ZNF518A: variants seen among roughly 807,000 people sequenced by gnomAD.
ZNF518A encodes zinc finger protein 518.
A neutral mutation model predicts 102.7 loss-of-function variants in ZNF518A; 47 were observed. That is an observed-to-expected ratio of 0.46 (90% CI 0.36 to 0.58). ZNF518A has a LOEUF of 0.58. ZNF518A is among the 20% of genes least tolerant of loss of function. The pLI is 0.00. For missense variants in ZNF518A, 1,793 were observed against 1,699.8 expected (o/e 1.05, Z -0.96); for synonymous variants, 652 against 594.6 (o/e 1.10, Z -1.40).
chr10:96,197,894 T>G (rs1278498132), intron 1 of ZNF518A, among the ~76,000 whole-genome samples: 1 of 138,806 alleles, frequency 7.2e-6, no homozygotes, highest in Non-Finnish European at 1.5e-5. Flanking sequence ...CCAGCCTGGG[T>G]GACAGAGCGA....
At chr10:96,180,252 T>C (rs1252720632) in intron 1 of ZNF518A, among the ~76,000 whole-genome samples, 4 of 147,286 alleles carry the variant, frequency 2.7e-5, no homozygotes, top group African/African-American at 7.6e-5. Flanking sequence ...CTCAAATTCC[T>C]GAATTCAAGT....
chr10:96,201,173 C>A (rs2083623342), intron 1 of ZNF518A: 8 of 943,516 alleles, frequency 8.5e-6, no homozygotes, highest in Non-Finnish European at 1.3e-5. Flanking sequence ...CAAAAAAAAT[C>A]CTTAAGGCAA....
At chr10:96,147,974 C>G (rs2082247541) in intron 3 of ZNF518A, among the ~76,000 whole-genome samples, 1 of 152,048 alleles carries the variant, frequency 6.6e-6, no homozygotes, top group Non-Finnish European at 1.5e-5. Context: ...TTTTTCATCT[C>G]TGTGTTTTGT....
rs1554882318 is a variant in ZNF518A at position 96,156,381 on chromosome 10, A to G, written c.59A>G (p.Asp20Gly). 1.2e-6 allele frequency: 2 copies of G among 1,602,334 alleles called. No individual in the cohort carries two copies. The highest frequency in any genetic ancestry group is 1.7e-5 in the Admixed American group (1 of 57,146). Reference protein sequence around the residue: ...CDEKQTTLKKDYDVKNEIVDR... With the variant: ...CDEKQTTLKKGYDVKNEIVDR... ...GAAAAACAAACTACTTTAAAAAAAG[A>G]TTATGATGTGAAAAATGAGATAGTT... The change falls in exon 6 of 6, where the codon GAT (aspartate) becomes GGT (glycine). Residue 20 changes from aspartate to glycine, a missense_variant. Asp to Gly is a moderately conservative substitution (Grantham distance 94). This residue lies in a region of ZNF518A where 1,741 missense variants were observed against 1,622.6 expected (regional missense o/e 1.07). Transcript: ENST00000316045.
intron 1 of ZNF518A, chr10:96,199,567 T>C (rs781882451): frequency 3.9e-5 from 18 of 457,154 alleles, no homozygotes; most frequent in Non-Finnish European, 7.5e-5. Flanking sequence ...AGAAATGAGA[T>C]GGAGGAACTT....
At chr10:96,129,957 A>AC (rs1285533959), upstream of ZNF518A, 1 of 152,648 alleles carries the variant, frequency 6.6e-6, no homozygotes, top group African/African-American at 2.4e-5. Flanking sequence ...CCGAGCGCGG[A>AC]CCCTGCCGGC....
chr10:96,144,588 A>G (rs587724711), intron 3 of ZNF518A, among the ~76,000 whole-genome samples: 21 of 152,350 alleles, frequency 1.4e-4, no homozygotes, highest in Admixed American at 3.3e-4. Flanking sequence ...GAGCCCAGAA[A>G]TCATAGAAGA....
intron 3 of ZNF518A, among the ~76,000 whole-genome samples, chr10:96,149,454 T>A (rs2082327487): frequency 6.6e-6 from 1 of 152,184 alleles, no homozygotes; most frequent in Admixed American, 6.5e-5. Context: ...GCCTCTAGAC[T>A]TCTGTAGTGG....
chr10:96,142,968 G>A (rs1011189293), intron 3 of ZNF518A, among the ~76,000 whole-genome samples: 4 of 151,816 alleles, frequency 2.6e-5, no homozygotes, highest in South Asian at 2.1e-4. Context: ...AACCATGCCC[G>A]GCTAACTTTT....
chr10:96,140,047 G>A (rs1172937), intron 3 of ZNF518A, among the ~76,000 whole-genome samples: 46,389 of 151,666 alleles, frequency 0.31, 8,213 homozygotes, highest in East Asian at 0.66. Context: ...TAGTAGTGGC[G>A]GGGTTTCTCT....
At chr10:96,170,789 AAAGAC>A (rs2083168709) in intron 1 of ZNF518A, among the ~76,000 whole-genome samples, 1 of 152,190 alleles carries the variant, frequency 6.6e-6, no homozygotes, top group South Asian at 2.1e-4. Context: ...AAGAAAGTGA[AAAGAC>A]AACCCACAGA....
chr10:96,138,780 G>A lies in ZNF518A; in HGVS notation c.-302+5132G>A, dbSNP rs146383326. 7.8e-3 allele frequency among the ~76,000 whole-genome samples: 1,189 copies of A among 152,236 alleles called. 15 individuals are homozygous for A. Among genetic ancestry groups the A allele is most frequent in the African/African-American group, 0.026 (1,069 of 41,510 alleles). On this transcript the variant is annotated intron_variant, in intron 3 of 5. Transcript: ENST00000316045. ...AAGTCTGGCAGCATCCCACATGCTG[G>A]TGATGTAGTAAAGGACATTACAGAT...
Position 96,162,800 on chromosome 10 carries a change from A to G in ZNF518A, c.*2026A>G, listed in dbSNP as rs1231620292. ...TTGTTCTCTAGGAAATACAGATTTT[A>G]AAGTGTATGTGTTTTTTCAATGCTA... On this transcript the variant is annotated 3_prime_UTR_variant, in exon 6 of 6. Coordinates refer to ENST00000316045, the MANE Select transcript of ZNF518A (RefSeq NM_001330736.2). 1.2e-5 allele frequency: 2 copies of G among 166,758 alleles called. No individual in the cohort carries two copies. Among genetic ancestry groups the G allele is most frequent in the African/African-American group, 4.8e-5 (2 of 41,476 alleles). The allele number at this position is 166,758 out of a possible 1,614,324, so 10.3% of individuals were successfully genotyped here.
At chr10:96,154,835 A>G (rs181059943) in intron 3 of ZNF518A, among the ~76,000 whole-genome samples, 2 of 152,318 alleles carry the variant, frequency 1.3e-5, no homozygotes, top group East Asian at 1.9e-4. Context: ...AAACAATTCA[A>G]TAATTGGTAC....
At chr10:96,171,594 T>G (rs1193523262) in intron 1 of ZNF518A, among the ~76,000 whole-genome samples, 1 of 152,168 alleles carries the variant, frequency 6.6e-6, no homozygotes, top group Non-Finnish European at 1.5e-5. Context: ...AAATTGTGAT[T>G]GTTGTGTAAT....
chr10:96,205,179 A>G (rs75040182), downstream of ZNF518A: 1,159 of 158,948 alleles, frequency 7.3e-3, 10 homozygotes, highest in South Asian at 0.013. Context: ...TCCTGAGCAG[A>G]AGAGGAAAGG....
intron 2 of ZNF518A, 140 bp from the exon 3 acceptor site, chr10:96,133,443 A>G (rs587713054): frequency 1.3e-5 from 2 of 152,346 alleles, no homozygotes; most frequent in East Asian, 3.9e-4. Flanking sequence ...TAGACAAAAA[A>G]GGAGGAAAAA....
At chr10:96,130,839 C>T (rs2081297131) in intron 1 of ZNF518A, 87 bp downstream of exon 1, 1 of 152,238 alleles carries the variant, frequency 6.6e-6, no homozygotes. Flanking sequence ...TTCATTTTGA[C>T]TCTATTCGTT....
At chr10:96,130,154 G>A (rs954866457), upstream of ZNF518A, 1 of 152,806 alleles carries the variant, frequency 6.5e-6, no homozygotes, top group African/African-American at 2.4e-5. Context: ...AGACCTTTTA[G>A]GATGTCAGAA....
Sources: gnomAD v4.1 joint callset for allele counts (sites outside exome capture counted in the v4.1 genomes callset) on GRCh38, gnomAD v4.1.1 for gene constraint, gnomAD v4.1.1 regional missense constraint, MANE v1.5 for transcripts, NCBI Gene and HGNC (gene_info 2026-07-23, HGNC 2026-07-21) for gene names.